The following SAXO2 variants were observed in gnomAD, a reference collection of about 807,000 sequenced individuals.
SAXO2 encodes stabilizer of axonemal microtubules 2, also known as family with sequence similarity 154, member B.
A neutral mutation model predicts 18.7 loss-of-function variants in SAXO2; 17 were observed. The observed-to-expected ratio is 0.91, with a 90% CI of 0.62 to 1.36. SAXO2 has a LOEUF of 1.36. SAXO2 is among the 40% of genes most tolerant of loss of function. The pLI, the probability that SAXO2 is intolerant of heterozygous loss-of-function variation, is 0.00. For missense variants in SAXO2, 486 were observed against 562.6 expected, an observed-to-expected ratio of 0.86 and a Z score of 1.38; for synonymous variants, 163 against 181.2, an observed-to-expected ratio of 0.90 and a Z score of 0.81.
At chr15:82,279,709 A>C (rs1319714233) in intron 3 of SAXO2, among the ~76,000 whole-genome samples, 2 of 152,178 alleles carry the variant, frequency 1.3e-5, no homozygotes, top group Non-Finnish European at 2.9e-5. Flanking sequence ...AGTAGTTTCC[A>C]ATTCCTCGGT....
chr15:82,266,426 A>G (rs1443603383), intron 2 of SAXO2, among the ~76,000 whole-genome samples: 1 of 152,224 alleles, frequency 6.6e-6, no homozygotes, highest in East Asian at 1.9e-4. Context: ...CTTTCCCATT[A>G]TCTTTAATAT....
rs2075376594 is a variant in SAXO2, at chr15:82,282,722, A to G, written c.1037A>G (p.Lys346Arg). The change falls in exon 4 of 4, where the codon AAA (lysine) becomes AGA (arginine). Residue 346 changes from lysine to arginine, a missense_variant. Lys to Arg is a conservative substitution (Grantham distance 26, BLOSUM62 2). Coordinates refer to ENST00000682753, the MANE Select transcript of SAXO2 (RefSeq NM_001348699.2). ...CCTTTCCAAGGAAAAAGCATCATGAAAGAAGATTTTCCAGCATGGGAAAGT... is the reference window on the plus strand; with the variant it reads ...CCTTTCCAAGGAAAAAGCATCATGAGAGAAGATTTTCCAGCATGGGAAAGT... The part of the protein sequence containing the change: ...NFPFQGKSIM[K>R]EDFPAWESCR... 6.2e-7 allele frequency: 1 copy of G among 1,614,072 alleles called. No individual in the cohort carries two copies. The highest frequency in any genetic ancestry group is 8.5e-7 in the Non-Finnish European group (1 of 1,180,020).
intron 1 of SAXO2, among the ~76,000 whole-genome samples, chr15:82,264,427 G>T (rs1029001225): frequency 3.3e-5 from 5 of 151,254 alleles, no homozygotes; most frequent in African/African-American, 1.2e-4. Flanking sequence ...CTACAATCCG[G>T]TTTTTTACTA....
chr15:82,269,032 C>A (rs780438503), intron 2 of SAXO2, among the ~76,000 whole-genome samples: 1 of 152,120 alleles, frequency 6.6e-6, no homozygotes, highest in Non-Finnish European at 1.5e-5. Flanking sequence ...TCTTGACAAG[C>A]AGAGGTATGT....
chr15:82,282,119 A>G lies in SAXO2; in HGVS notation c.434A>G (p.Asp145Gly), dbSNP rs2075366152. 1.9e-6 allele frequency: 3 copies of G among 1,566,054 alleles called. No individual in the cohort carries two copies. The highest frequency in any genetic ancestry group is 2.6e-6 in the Non-Finnish European group (3 of 1,160,596). ...GKLDTVPTYK[D>G]DYRAWDLHKS... ...TTTTTGCTTTGTTTTAATTTTCAAG[A>G]CGATTATAGAGCTTGGGACCTTCAT... is the stretch of plus-strand genomic sequence containing the variant. The change falls in exon 4 of 4, where the codon GAC becomes GGC. Residue 145 changes from aspartate (D) to glycine (G), a missense_variant and splice_region_variant. By Grantham distance (94) the Asp-to-Gly change is moderately conservative. Coordinates refer to ENST00000682753, the MANE Select transcript of SAXO2 (RefSeq NM_001348699.2).
At chr15:82,275,030 A>C (rs954457013) in intron 3 of SAXO2, among the ~76,000 whole-genome samples, 1 of 151,836 alleles carries the variant, frequency 6.6e-6, no homozygotes, top group African/African-American at 2.4e-5. Flanking sequence ...CACTAGCTAG[A>C]TTAACAAAAA....
chr15:82,267,848 G>T (rs2075234052), intron 2 of SAXO2, among the ~76,000 whole-genome samples: 1 of 152,148 alleles, frequency 6.6e-6, no homozygotes, highest in African/African-American at 2.4e-5. Context: ...AGACTCCAGA[G>T]CTCTATCTAA....
At chr15:82,281,360 G>C (rs567528145) in intron 3 of SAXO2, among the ~76,000 whole-genome samples, 4 of 152,244 alleles carry the variant, frequency 2.6e-5, no homozygotes, top group African/African-American at 9.6e-5. Flanking sequence ...GTAAGCTTAA[G>C]GTTATTTAAC....
intron 1 of SAXO2, among the ~76,000 whole-genome samples, chr15:82,264,471 TAAA>T (rs1348948855): frequency 6.6e-6 from 1 of 152,084 alleles, no homozygotes; most frequent in Admixed American, 6.6e-5. Flanking sequence ...TGATCATGCA[TAAA>T]GACCACCCTC....
chr15:82,278,489 A>T (rs1163078676), intron 3 of SAXO2, among the ~76,000 whole-genome samples: 2 of 152,254 alleles, frequency 1.3e-5, no homozygotes, highest in Non-Finnish European at 2.9e-5. Flanking sequence ...TCTCTAAGTA[A>T]TCTATAGAAC....
At chr15:82,274,112 G>A (rs1329506591) in intron 3 of SAXO2, among the ~76,000 whole-genome samples, 2 of 151,842 alleles carry the variant, frequency 1.3e-5, no homozygotes, top group East Asian at 1.9e-4. Context: ...TGTTGTCCCC[G>A]ATGCTGGGAA....
In SAXO2 at chr15:82,271,954, T is replaced by C. The variant is rs140019619; in HGVS notation, c.433+152T>C. 9.4e-4 allele frequency: 582 copies of C among 621,804 alleles called. 2 individuals are homozygous for C. The highest frequency in any genetic ancestry group is 9.3e-3 in the African/African-American group (503 of 53,910). 38.5% of individuals were successfully genotyped at this position (621,804 alleles called of 1,614,324 possible). A position where few individuals can be genotyped will look rare whatever the true frequency, so the allele number is the denominator to read the frequency against. On this transcript the variant is annotated intron_variant, in intron 3 of 3. Transcript: ENST00000682753. ...TTCTCTCTTTGGCAAAATAGTATTGTATAGTAACAAAAGAAAATAGGCCAT... is the reference window on the plus strand; with the variant it reads ...TTCTCTCTTTGGCAAAATAGTATTGCATAGTAACAAAAGAAAATAGGCCAT...
At chr15:82,280,185 A>G (rs985099197) in intron 3 of SAXO2, among the ~76,000 whole-genome samples, 4 of 152,088 alleles carry the variant, frequency 2.6e-5, no homozygotes, top group Non-Finnish European at 5.9e-5. Flanking sequence ...GAGAAAATCA[A>G]TTTTCTGCAA....
chr15:82,282,997 G>A lies in SAXO2; in HGVS notation c.1312G>A (p.Asp438Asn), dbSNP rs536429866. The change falls in exon 4 of 4, where the codon GAC (aspartate) becomes AAC (asparagine). Residue 438 changes from aspartate (D) to asparagine (N), a missense_variant. Transcript: ENST00000682753. ...SYPSPPGYIFDNTNSQGHKFF... is the reference protein window; with the variant it reads ...SYPSPPGYIFNNTNSQGHKFF... ...TCCCTCTCCTCCAGGTTATATTTTCGACAATACAAATTCCCAAGGTCATAA... is the reference window on the plus strand; with the variant it reads ...TCCCTCTCCTCCAGGTTATATTTTCAACAATACAAATTCCCAAGGTCATAA... The A allele has an allele frequency of 9.9e-6, 16 of 1,613,756 alleles. No individual in the cohort carries two copies. Among genetic ancestry groups the A allele is most frequent in the East Asian group, 6.7e-5 (3 of 44,862 alleles).
In SAXO2 at chr15:82,282,616, A is replaced by G. The variant is rs778688352; in HGVS notation, c.931A>G (p.Ser311Gly). The change falls in exon 4 of 4, where the codon AGC (serine) becomes GGC (glycine). Residue 311 changes from serine to glycine, a missense_variant. Transcript: ENST00000682753. ...PTGSMLLNST[S>G]HLDYVPYQAN... ...AGGTAGCATGCTGTTAAACAGCACA[A>G]GCCATCTTGACTATGTTCCATATCA... 8.1e-6 allele frequency: 13 copies of G among 1,614,224 alleles called. No homozygotes were observed. Among genetic ancestry groups the G allele is most frequent in the African/African-American group, 1.3e-5 (1 of 75,068 alleles).
intron 1 of SAXO2, chr15:82,264,773 G>T (rs1487012822): frequency 1.4e-6 from 1 of 695,290 alleles, no homozygotes; most frequent in East Asian, 2.7e-5. Context: ...TCAAGAAGCT[G>T]CCAAGTTAGG....
intron 3 of SAXO2, among the ~76,000 whole-genome samples, chr15:82,275,841 G>A (rs1004442080): frequency 3.9e-5 from 6 of 152,046 alleles, no homozygotes; most frequent in Admixed American, 6.6e-5. Context: ...ACAAAAAACC[G>A]GAAGCATTCC....
intron 3 of SAXO2, among the ~76,000 whole-genome samples, chr15:82,276,486 A>T (rs1054355531): frequency 4.6e-5 from 7 of 152,226 alleles, no homozygotes; most frequent in Non-Finnish European, 1.0e-4. Context: ...CCAAAACAGC[A>T]TGGTACTGGT....
chr15:82,272,154 T>C (rs2075277829), intron 3 of SAXO2: 3 of 225,940 alleles, frequency 1.3e-5, no homozygotes, highest in Non-Finnish European at 2.6e-5. Context: ...CTAGAAAAAG[T>C]TGAAACTCTA....
Sources: gnomAD v4.1 joint callset for allele counts (sites outside exome capture counted in the v4.1 genomes callset) on GRCh38, gnomAD v4.1.1 for gene constraint, MANE v1.5 for transcripts, NCBI Gene and HGNC (gene_info 2026-07-23, HGNC 2026-07-21) for gene names.